HS3ST2: variants seen among roughly 807,000 people sequenced by gnomAD.
HS3ST2 encodes heparan sulfate-glucosamine 3-sulfotransferase 2.
In HS3ST2, 17 loss-of-function variants were observed where a neutral mutation model predicts 26.3. That is an observed-to-expected ratio of 0.65 (90% CI 0.44 to 0.97). The LOEUF (loss-of-function observed/expected upper bound fraction) is 0.97, where lower values mean the gene tolerates loss of function less well. Ranked by LOEUF, HS3ST2 falls within the 50% of genes least tolerant of loss-of-function variation. The pLI is 0.00. For missense variants in HS3ST2, 402 were observed against 501.2 expected, an observed-to-expected ratio of 0.80 and a Z score of 1.89; for synonymous variants, 237 against 219.2, an observed-to-expected ratio of 1.08 and a Z score of -0.72.
chr16:22,868,208 C>T (rs1036634734), intron 1 of HS3ST2, among the ~76,000 whole-genome samples: 2 of 151,894 alleles, frequency 1.3e-5, no homozygotes, highest in African/African-American at 4.8e-5. Context: ...GAGATGGAGA[C>T]CATCCTGGTG....
chr16:22,890,122 C>T (rs1478980764), intron 1 of HS3ST2, among the ~76,000 whole-genome samples: 4 of 152,126 alleles, frequency 2.6e-5, no homozygotes, highest in African/African-American at 9.7e-5. Context: ...CTTTGACCTC[C>T]TTGCTAATCT....
At position 22,814,877 on chromosome 16, in the gene HS3ST2, C is replaced by A; in HGVS notation, c.267C>A (p.Pro89=). 3 of 1,557,822 alleles carry A rather than the reference C, an allele frequency of 1.9e-6. No individual in the cohort carries two copies. The highest frequency in any genetic ancestry group is 2.4e-5 in the East Asian group (1 of 41,412). ...TPSEPSAPSA[P]AAAVPAPRLS... ...GCGAGCCCAGCGCTCCCAGCGCGCC[C>A]GCCGCCGCCGTGCCCGCCCCTCGCC... The change falls in exon 1 of 2, where the codon CCC becomes CCA. Residue 89 remains proline, a synonymous_variant. Transcript: ENST00000261374.
rs575450055 is a variant in HS3ST2 at position 22,842,810 on chromosome 16, C to T, written c.485+27715C>T. On this transcript the variant is annotated intron_variant, in intron 1 of 1. Transcript: ENST00000261374. ...CTCCGTGTTGAGCTACAGAAAACTT[C>T]CTCTACGATTTTTCATTTGTTTAGA... Among the ~76,000 whole-genome samples, 24 of 152,302 alleles carry T rather than the reference C, an allele frequency of 1.6e-4. No individual in the cohort carries two copies. In the South Asian group the frequency reaches 4.3e-3, roughly 28 times the overall value.
chr16:22,891,173 C>T (rs574895417), intron 1 of HS3ST2, among the ~76,000 whole-genome samples: 1 of 152,326 alleles, frequency 6.6e-6, no homozygotes, highest in African/African-American at 2.4e-5. Context: ...TTGCAAGACT[C>T]AGGTATCCTG....
intron 1 of HS3ST2, among the ~76,000 whole-genome samples, chr16:22,847,940 AAG>A (rs1901465540): frequency 6.6e-6 from 1 of 151,180 alleles, no homozygotes; most frequent in African/African-American, 2.4e-5. Flanking sequence ...GGAAGGAAGG[AAG>A]GAGGGAGGGA....
chr16:22,851,222 T>C lies in HS3ST2; in HGVS notation c.485+36127T>C, dbSNP rs137887928. Among the ~76,000 whole-genome samples, 7 of 152,360 alleles carry C rather than the reference T, an allele frequency of 4.6e-5. No individual in the cohort carries two copies. In the East Asian group the frequency reaches 1.4e-3, roughly 29 times the overall value. ...AAGGGGAATGAGACCCCATCTCTTA[T>C]GTGAAGAGCATCCTGTGTGTACAGG... On this transcript the variant is annotated intron_variant, in intron 1 of 1. Transcript: ENST00000261374.
At chr16:22,830,195 C>T (rs1355375271) in intron 1 of HS3ST2, among the ~76,000 whole-genome samples, 1 of 150,068 alleles carries the variant, frequency 6.7e-6, no homozygotes, top group Admixed American at 6.6e-5. Context: ...TCATTGCCTC[C>T]AGCTCCCAAT....
intron 1 of HS3ST2, among the ~76,000 whole-genome samples, chr16:22,819,242 G>A (rs1288240430): frequency 1.4e-5 from 2 of 146,124 alleles, no homozygotes; most frequent in African/African-American, 5.1e-5. Context: ...CAGAAAGTCA[G>A]TTCACATATC....
At chr16:22,854,154 G>T (rs933955631) in intron 1 of HS3ST2, among the ~76,000 whole-genome samples, 13 of 152,158 alleles carry the variant, frequency 8.5e-5, no homozygotes, top group Non-Finnish European at 1.6e-4. Flanking sequence ...ACTTGGTTGT[G>T]TGTGTAGATT....
At chr16:22,873,352 C>G (rs980685530) in intron 1 of HS3ST2, among the ~76,000 whole-genome samples, 10 of 152,180 alleles carry the variant, frequency 6.6e-5, no homozygotes, top group Non-Finnish European at 1.0e-4. Context: ...CTTTAAACAC[C>G]AAGCTCAAAG....
chr16:22,849,152 T>C (rs1901486041), intron 1 of HS3ST2, among the ~76,000 whole-genome samples: 1 of 152,180 alleles, frequency 6.6e-6, no homozygotes, highest in African/African-American at 2.4e-5. Flanking sequence ...GTGCCCTAAA[T>C]AGCAGGTTTC....
At chr16:22,824,056 C>T (rs542850136) in intron 1 of HS3ST2, among the ~76,000 whole-genome samples, 2 of 152,306 alleles carry the variant, frequency 1.3e-5, no homozygotes, top group South Asian at 2.1e-4. Flanking sequence ...TAGATTGTCA[C>T]GTATCTGTAG....
At chr16:22,892,651 T>C (rs989788145) in intron 1 of HS3ST2, among the ~76,000 whole-genome samples, 3 of 152,206 alleles carry the variant, frequency 2.0e-5, no homozygotes, top group Non-Finnish European at 4.4e-5. Flanking sequence ...TCCTTATCCA[T>C]CTTTTTGCAA....
At position 22,815,100 on chromosome 16, in the gene HS3ST2, G is replaced by C. The variant is rs1274658470; in HGVS notation, c.485+5G>C. 1.2e-6 allele frequency: 2 copies of C among 1,612,268 alleles called. No homozygotes were observed. The highest frequency in any genetic ancestry group is 2.2e-5 in the East Asian group (1 of 44,878). ...CCGCGGGCTGGATTGGTACAGGTAA[G>C]GACCAGGAGCTCCGCTCCGTGCGCC... On this transcript the variant is annotated splice_donor_5th_base_variant and intron_variant, in intron 1 of 1. Coordinates refer to ENST00000261374, the MANE Select transcript of HS3ST2 (RefSeq NM_006043.2).
intron 1 of HS3ST2, among the ~76,000 whole-genome samples, chr16:22,873,917 GTGA>G (rs1257306608): frequency 2.0e-5 from 3 of 152,194 alleles, no homozygotes; most frequent in Non-Finnish European, 2.9e-5. Flanking sequence ...CCATCTCTGA[GTGA>G]TCTCCCATTC....
intron 1 of HS3ST2, among the ~76,000 whole-genome samples, chr16:22,824,989 T>A: frequency 6.6e-6 from 1 of 152,090 alleles, no homozygotes. Flanking sequence ...AAGACAGATC[T>A]TATTGGAGAG....
At chr16:22,893,634 C>T (rs201413309) in intron 1 of HS3ST2, among the ~76,000 whole-genome samples, 80 of 130,134 alleles carry the variant, frequency 6.1e-4, no homozygotes, top group Middle Eastern at 4.0e-3. Flanking sequence ...TTTTTCTTTT[C>T]TTTTTTTTTT....
chr16:22,827,282 C>T (rs939106566), intron 1 of HS3ST2, among the ~76,000 whole-genome samples: 3 of 152,132 alleles, frequency 2.0e-5, no homozygotes, highest in African/African-American at 2.4e-5. Flanking sequence ...GGAGAGGTAA[C>T]GGGGGCCGCC....
At chr16:22,827,710 CTTTTTT>C (rs34248118) in intron 1 of HS3ST2, among the ~76,000 whole-genome samples, 6 of 108,980 alleles carry the variant, frequency 5.5e-5, no homozygotes, top group Admixed American at 1.9e-4. Flanking sequence ...TTCTTTCTTT[CTTTTTT>C]TTTTTTTTTT....
Sources: gnomAD v4.1 joint callset for allele counts (sites outside exome capture counted in the v4.1 genomes callset) on GRCh38, gnomAD v4.1.1 for gene constraint, MANE v1.5 for transcripts, NCBI Gene and HGNC (gene_info 2026-07-23, HGNC 2026-07-21) for gene names.